EZH1: variants seen among roughly 807,000 people sequenced by gnomAD.
EZH1 encodes the protein enhancer of zeste 1 polycomb repressive complex 2 subunit.
EZH1 carries 33 observed loss-of-function variants against 100.5 expected under a neutral mutation model. The observed-to-expected ratio is 0.33, with a 90% CI of 0.25 to 0.44. The LOEUF is 0.44. Ranked by LOEUF, EZH1 falls within the 20% of genes least tolerant of loss-of-function variation. The probability of loss-of-function intolerance (pLI) is 1.00; values close to 1 mark genes in which losing one functional copy is unlikely to be tolerated. For missense variants in EZH1, 475 were observed against 928.4 expected (o/e 0.51, Z 6.35); for synonymous variants, 272 against 313.8 (o/e 0.87, Z 1.41).
Position 42,720,270 on chromosome 17 carries a change from T to G in EZH1, c.664+3A>C, listed in dbSNP as rs1483385329. 42 of 1,612,108 alleles carry G rather than the reference T, an allele frequency of 2.6e-5. No individual in the cohort carries two copies. Among genetic ancestry groups the G allele is most frequent in the Non-Finnish European group, 3.1e-5 (36 of 1,179,180 alleles). On this transcript the variant is annotated splice_donor_region_variant and intron_variant, in intron 7 of 20. Transcript: ENST00000428826. The stretch of plus-strand genomic sequence containing the variant: ...AAGGAATAAGGGAGCCAGTGCTACG[T>G]ACCTTCAATAGCATGTCGCTTTCTC...
chr17:42,702,619 A>C, intron 20 of EZH1, 27 bp from the exon 21 acceptor site: 1 of 1,553,552 alleles, frequency 6.4e-7, no homozygotes. Flanking sequence ...AAGAGGAACC[A>C]GGTTACTCTC....
intron 2 of EZH1, chr17:42,729,263 C>T (rs1173506788): frequency 4.1e-6 from 1 of 241,180 alleles, no homozygotes; most frequent in Non-Finnish European, 8.1e-6. Context: ...AAAAGTTAGC[C>T]AGATGTGTTG....
chr17:42,724,610 C>T (rs962500655), intron 4 of EZH1, 186 bp from the exon 5 acceptor site: 3 of 507,724 alleles, frequency 5.9e-6, no homozygotes, highest in Non-Finnish European at 1.1e-5. Context: ...GGTGAAACCC[C>T]ATCTCTACAA....
chr17:42,702,774 TCTC>T (rs2143700818), intron 20 of EZH1, 100 bp downstream of exon 20: 2 of 1,338,776 alleles, frequency 1.5e-6, no homozygotes, highest in East Asian at 2.3e-5. Context: ...CGGGAGACTC[TCTC>T]CTCCATCTCC....
intron 10 of EZH1, among the ~76,000 whole-genome samples, 200 bp downstream of exon 10, chr17:42,717,776 G>T (rs138940051): frequency 6.6e-6 from 1 of 152,258 alleles, no homozygotes; most frequent in East Asian, 1.9e-4. Flanking sequence ...CTTCGAATCT[G>T]CACTCCATCA....
In EZH1 at chr17:42,704,671, C is replaced by T; in HGVS notation, c.1948G>A (p.Asp650Asn). ...SEYCGELISQ[D>N]EADRRGKVYD... is the part of the protein sequence containing the mutation. ...ACCTTTCCGCGTCGATCAGCCTCAT[C>T]CTGAGAGATGAGCTAGAGAGATAGA... The change falls in exon 18 of 21, where the codon GAT becomes AAT. Residue 650 changes from aspartate to asparagine, a missense_variant. Physicochemically the swap from Asp to Asn is conservative, Grantham distance 23. Around this residue, in one of 8 missense-constraint regions of EZH1, gnomAD observed 49 missense variants for 164.2 expected, o/e 0.30. Transcript: ENST00000428826. The T allele has an allele frequency of 6.2e-7, 1 of 1,613,834 alleles. No homozygotes were observed. Among genetic ancestry groups the T allele is most frequent in the Non-Finnish European group, 8.5e-7 (1 of 1,179,862 alleles).
At chr17:42,713,037 CAAAAAAAAAA>C (rs10664421) in intron 11 of EZH1, among the ~76,000 whole-genome samples, 162 bp downstream of exon 11, 4 of 83,998 alleles carry the variant, frequency 4.8e-5, no homozygotes, top group African/African-American at 1.9e-4. Flanking sequence ...GAGACTGTTT[CAAAAAAAAAA>C]AAAAAAAAAA....
chr17:42,742,502 T>TGGC (rs1315229324), intron 1 of EZH1, among the ~76,000 whole-genome samples: 1 of 152,116 alleles, frequency 6.6e-6, no homozygotes, highest in Non-Finnish European at 1.5e-5. Flanking sequence ...CATTTACACT[T>TGGC]TAAGGAATTT....
intron 1 of EZH1, among the ~76,000 whole-genome samples, chr17:42,740,484 C>T (rs2054156499): frequency 6.6e-6 from 1 of 152,210 alleles, no homozygotes; most frequent in Non-Finnish European, 1.5e-5. Context: ...GATCCACCCG[C>T]TTCGGCCTCC....
In EZH1 at chr17:42,722,779, A is replaced by T; in HGVS notation, c.487+16T>A. On this transcript the variant is annotated intron_variant, in intron 6 of 20. Coordinates refer to ENST00000428826, the MANE Select transcript of EZH1 (RefSeq NM_001991.5). ...GATTCTAACAAAATTTTCTCCAAGG[A>T]GTTCAGTACCACTACCTTCTTCACC... 1 of 1,603,546 alleles carries T rather than the reference A, an allele frequency of 6.2e-7. No individual in the cohort carries two copies. The highest frequency in any genetic ancestry group is 8.5e-7 in the Non-Finnish European group (1 of 1,177,012).
rs2054112454 is a variant in EZH1, at chr17:42,738,523, TTTTTTTTA to T, written c.-103+6480_-103+6487del. Among the ~76,000 whole-genome samples, 17 of 125,504 alleles carry T rather than the reference TTTTTTTTA, an allele frequency of 1.4e-4. No individual in the cohort carries two copies. The South Asian group carries it at 4.2e-3, about 31-fold the overall frequency. The allele number at this position is 125,504 out of a possible 152,430, so 82.3% of individuals were successfully genotyped here. A position where few individuals can be genotyped will look rare whatever the true frequency, so the allele number is the denominator to read the frequency against. On this transcript the variant is annotated intron_variant, in intron 1 of 20. Coordinates refer to ENST00000428826, the MANE Select transcript of EZH1 (RefSeq NM_001991.5). Reference sequence around the variant, plus strand: ...GACGTGAGCCACCGTGCCCAGTCTATTTTTTTTATTTTTTTTTGAGATGGAGTCTCACT... The same window carrying T: ...GACGTGAGCCACCGTGCCCAGTCTATTTTTTTTTTGAGATGGAGTCTCACT...
At chr17:42,732,556 C>G (rs564810999) in intron 1 of EZH1, among the ~76,000 whole-genome samples, 5 of 152,070 alleles carry the variant, frequency 3.3e-5, no homozygotes, top group Non-Finnish European at 7.4e-5. Flanking sequence ...ATGATGAGGT[C>G]AGGAGATCGA....
chr17:42,715,466 C>T (rs942706339), intron 10 of EZH1, among the ~76,000 whole-genome samples: 4 of 151,518 alleles, frequency 2.6e-5, no homozygotes, highest in Non-Finnish European at 1.5e-5. Context: ...AGGCTGGTCT[C>T]GAACTCCTAG....
At chr17:42,727,528 C>G in intron 4 of EZH1, 107 bp downstream of exon 4, 1 of 1,337,180 alleles carries the variant, frequency 7.5e-7, no homozygotes, top group Non-Finnish European at 1.0e-6. Flanking sequence ...CTTGTGTGAG[C>G]CACCATACCT....
intron 18 of EZH1, 115 bp downstream of exon 18, chr17:42,704,487 A>T: frequency 1.4e-6 from 1 of 730,218 alleles, no homozygotes; most frequent in Non-Finnish European, 2.3e-6. Context: ...GGTAGAGGCT[A>T]CAGTGAGCCA....
At position 42,745,016 on chromosome 17, in the gene EZH1, A is replaced by G. The variant is rs2143920367; in HGVS notation, c.-108T>C. Reference sequence around the variant, plus strand: ...AGGCTTGTTTACTCACTCACCCTCCATCCCGAGCCGCGGGTCCCGCTGCTA... The same window carrying G: ...AGGCTTGTTTACTCACTCACCCTCCGTCCCGAGCCGCGGGTCCCGCTGCTA... On this transcript the variant is annotated 5_prime_UTR_variant, in exon 1 of 21. An upstream start codon of the reference 5' UTR is lost. Transcript: ENST00000428826. 1 of 1,271,866 alleles carries G rather than the reference A, an allele frequency of 7.9e-7. No homozygotes were observed. The highest frequency in any genetic ancestry group is 1.0e-6 in the Non-Finnish European group (1 of 982,088). The allele number at this position is 1,271,866 out of a possible 1,614,324, so 78.8% of individuals were successfully genotyped here. A position where few individuals can be genotyped will look rare whatever the true frequency, so the allele number is the denominator to read the frequency against.
Position 42,707,995 on chromosome 17 carries a change from C to T in EZH1, c.1623G>A (p.Gln541=), listed in dbSNP as rs1220036180. 1 of 1,612,700 alleles carries T rather than the reference C, an allele frequency of 6.2e-7. No homozygotes were observed. Among genetic ancestry groups the T allele is most frequent in the Non-Finnish European group, 8.5e-7 (1 of 1,179,828 alleles). The change falls in exon 15 of 21, where the codon CAG becomes CAA. Residue 541 remains glutamine (Q), a synonymous_variant. Transcript: ENST00000428826. ...CDSTCPCIMT[Q]NFCEKFCQCN... is the part of the protein sequence containing the mutation. ...ACTGGCAGAACTTCTCACAGAAATT[C>T]TGAGTCATGATGCAGGGGCAGGTGC...
rs761330578 is a variant in EZH1 at position 42,718,747 on chromosome 17, G to C, written c.768-130C>G. 3.0e-5 allele frequency: 26 copies of C among 877,114 alleles called. No homozygotes were observed. Among genetic ancestry groups the C allele is most frequent in the Non-Finnish European group, 3.5e-6 (2 of 576,526 alleles). 54.3% of individuals were successfully genotyped at this position (877,114 alleles called of 1,614,324 possible). A position where few individuals can be genotyped will look rare whatever the true frequency, so the allele number is the denominator to read the frequency against. ...ATGGGTGTTTTTTATAGGTCTGGTT[G>C]ATAAGAGAATGGTAGATAACTAGAG... is the stretch of plus-strand genomic sequence containing the variant. On this transcript the variant is annotated intron_variant, in intron 8 of 20. Transcript: ENST00000428826. The surrounding 1 kb of genome is among the most constrained non-coding windows in gnomAD (Gnocchi z 4.2).
At chr17:42,714,637 A>T in intron 10 of EZH1, 1 of 294,528 alleles carries the variant, frequency 3.4e-6, no homozygotes, top group Non-Finnish European at 6.8e-6. Flanking sequence ...AGAGTCAGAA[A>T]GCTCAATTTA....
Sources: allele counts gnomAD v4.1 joint callset (sites outside exome capture counted in the v4.1 genomes callset), GRCh38; gene constraint gnomAD v4.1.1; regional missense constraint gnomAD v4.1.1; non-coding constraint Gnocchi (gnomAD v3.1); transcripts MANE v1.5; gene names NCBI Gene and HGNC (gene_info 2026-07-23, HGNC 2026-07-21).